NKAIN3: variants seen among roughly 807,000 people sequenced by gnomAD.
NKAIN3 encodes sodium/potassium-transporting ATPase subunit beta-1-interacting protein 3.
In NKAIN3, 25 loss-of-function variants were observed where a neutral mutation model predicts 30.2. The ratio of observed to expected loss-of-function variants is 0.83; its 90% confidence interval spans 0.60 to 1.16. The LOEUF (loss-of-function observed/expected upper bound fraction) is 1.16. NKAIN3 is among the 50% of genes most tolerant of loss of function. The pLI is 0.00. For missense variants in NKAIN3, 225 were observed against 254.1 expected (o/e 0.89, Z 0.78); for synonymous variants, 91 against 89.6 (o/e 1.02, Z -0.09).
intron 3 of NKAIN3, among the ~76,000 whole-genome samples, chr8:62,746,078 T>C (rs1816060379): frequency 1.3e-5 from 2 of 152,240 alleles, no homozygotes; most frequent in South Asian, 4.1e-4. Flanking sequence ...GCCAGAAGTC[T>C]GAAATCAGCT....
At chr8:62,912,776 G>A (rs972693298) in intron 4 of NKAIN3, among the ~76,000 whole-genome samples, 1 of 152,028 alleles carries the variant, frequency 6.6e-6, no homozygotes, top group Non-Finnish European at 1.5e-5. Context: ...AGGCATGGTG[G>A]TGCATGCCTG....
At chr8:62,491,314 G>A (rs1284042460) in intron 1 of NKAIN3, among the ~76,000 whole-genome samples, 1 of 152,092 alleles carries the variant, frequency 6.6e-6, no homozygotes, top group African/African-American at 2.4e-5. Context: ...ATAGGCCAGT[G>A]GTCAGATAGT....
At chr8:62,914,307 C>A (rs577148456) in intron 4 of NKAIN3, among the ~76,000 whole-genome samples, 13 of 152,106 alleles carry the variant, frequency 8.5e-5, no homozygotes, top group African/African-American at 3.1e-4. Flanking sequence ...AACTTATGAA[C>A]ACAAAGAAAG....
intron 4 of NKAIN3, among the ~76,000 whole-genome samples, chr8:62,879,540 T>C (rs1034448088): frequency 5.9e-5 from 9 of 152,206 alleles, no homozygotes; most frequent in Admixed American, 5.9e-4. Context: ...TGCTGTGTTA[T>C]ACTGTTGTGT....
chr8:62,780,403 T>G (rs1817320366), intron 4 of NKAIN3, among the ~76,000 whole-genome samples: 1 of 151,970 alleles, frequency 6.6e-6, no homozygotes, highest in Non-Finnish European at 1.5e-5. Context: ...TCCTAAAAAT[T>G]AAAGAGGAGG....
At chr8:62,801,105 G>T (rs1204541304) in intron 4 of NKAIN3, among the ~76,000 whole-genome samples, 2 of 152,232 alleles carry the variant, frequency 1.3e-5, no homozygotes, top group Non-Finnish European at 2.9e-5. Flanking sequence ...GGTAAACAAA[G>T]AAGCCGGGAA....
chr8:62,827,453 C>T (rs1819062358), intron 4 of NKAIN3, among the ~76,000 whole-genome samples: 2 of 152,112 alleles, frequency 1.3e-5, no homozygotes, highest in Non-Finnish European at 2.9e-5. Context: ...ATCAATTCTT[C>T]CAAATATGTG....
chr8:62,659,100 C>T (rs572540813), intron 3 of NKAIN3, among the ~76,000 whole-genome samples: 2 of 152,304 alleles, frequency 1.3e-5, no homozygotes, highest in African/African-American at 4.8e-5. Context: ...GGAATCACTT[C>T]GTCACTGGGC....
At chr8:62,729,040 C>CAACCCAAAAAAA (rs1815373946) in intron 3 of NKAIN3, among the ~76,000 whole-genome samples, 1 of 61,206 alleles carries the variant, frequency 1.6e-5, no homozygotes, top group Non-Finnish European at 3.0e-5. Flanking sequence ...AAAAAAAAAA[C>CAACCCAAAAAAA]AAAAAAAAAA....
intron 1 of NKAIN3, among the ~76,000 whole-genome samples, chr8:62,459,495 C>T (rs1289412630): frequency 6.6e-6 from 1 of 152,106 alleles, no homozygotes. Context: ...ACTGTGGATG[C>T]AGCAATGAAC....
intron 3 of NKAIN3, among the ~76,000 whole-genome samples, chr8:62,634,062 CCA>C (rs1215737496): frequency 2.0e-5 from 3 of 152,088 alleles, no homozygotes; most frequent in Non-Finnish European, 4.4e-5. Context: ...GCAATTGAAA[CCA>C]GCCCAATTGT....
chr8:62,393,045 G>A (rs530676670), intron 1 of NKAIN3, among the ~76,000 whole-genome samples: 8 of 151,072 alleles, frequency 5.3e-5, no homozygotes, highest in South Asian at 2.1e-4. Context: ...CAGTAGAATC[G>A]CTGGTCATAC....
intron 1 of NKAIN3, among the ~76,000 whole-genome samples, chr8:62,351,012 G>C (rs1255255380): frequency 6.6e-6 from 1 of 151,458 alleles, no homozygotes; most frequent in Non-Finnish European, 1.5e-5. Context: ...TTTCACCACT[G>C]ACAGTGATCA....
At chr8:62,387,672 G>A (rs1405810660) in intron 1 of NKAIN3, among the ~76,000 whole-genome samples, 1 of 152,166 alleles carries the variant, frequency 6.6e-6, no homozygotes, top group African/African-American at 2.4e-5. Context: ...ATTCCCCCAA[G>A]TTGGTACATA....
chr8:62,760,125 A>G (rs1222762876), intron 4 of NKAIN3, among the ~76,000 whole-genome samples: 1 of 152,162 alleles, frequency 6.6e-6, no homozygotes. Flanking sequence ...GTCAGGAAAC[A>G]ACAGATGCTG....
At chr8:62,397,748 A>G (rs1364734023) in intron 1 of NKAIN3, among the ~76,000 whole-genome samples, 1 of 152,180 alleles carries the variant, frequency 6.6e-6, no homozygotes, top group East Asian at 1.9e-4. Context: ...AGTCGGCGCT[A>G]CGGCATCTGC....
intron 3 of NKAIN3, among the ~76,000 whole-genome samples, chr8:62,668,641 C>T (rs915073632): frequency 6.6e-6 from 1 of 152,046 alleles, no homozygotes; most frequent in Non-Finnish European, 1.5e-5. Context: ...AAATTAACAC[C>T]ACATCACCCT....
intron 1 of NKAIN3, among the ~76,000 whole-genome samples, chr8:62,508,622 C>T (rs1048090753): frequency 6.6e-6 from 1 of 152,072 alleles, no homozygotes; most frequent in Non-Finnish European, 1.5e-5. Context: ...ATGGCCAGCT[C>T]CAAAGTGTTC....
intron 4 of NKAIN3, among the ~76,000 whole-genome samples, chr8:62,821,917 C>A (rs901847288): frequency 1.4e-5 from 2 of 147,780 alleles, no homozygotes; most frequent in African/African-American, 2.5e-5. Context: ...TATTTGCCAA[C>A]AGAGACCCCC....
Sources: allele counts gnomAD v4.1 joint callset (sites outside exome capture counted in the v4.1 genomes callset), GRCh38; gene constraint gnomAD v4.1.1; transcripts MANE v1.5; gene names NCBI Gene and HGNC (gene_info 2026-07-23, HGNC 2026-07-21).